STK39: variants seen among roughly 807,000 people sequenced by gnomAD.
STK39 encodes STE20/SPS1-related proline-alanine-rich protein kinase.
Under a neutral mutation model 77.8 loss-of-function variants are expected in STK39, and 20 were observed. That is an observed-to-expected ratio of 0.26 (90% CI 0.18 to 0.37). STK39 has a LOEUF of 0.37. STK39 is among the 10% of genes least tolerant of loss of function. The probability of loss-of-function intolerance (pLI) is 1.00; values close to 1 mark genes in which losing one functional copy is unlikely to be tolerated. For synonymous variants in STK39, 246 were observed against 234.1 expected, an observed-to-expected ratio of 1.05 and a Z score of -0.47; for missense variants, 479 against 656.5, an observed-to-expected ratio of 0.73 and a Z score of 2.95.
intron 10 of STK39, among the ~76,000 whole-genome samples, chr2:168,082,722 T>G (rs11693995): frequency 0.38 from 57,382 of 152,088 alleles, 11,151 homozygotes; most frequent in African/African-American, 0.41. Context: ...ATGGCCTCCC[T>G]GACCTCATCT....
intron 1 of STK39, among the ~76,000 whole-genome samples, chr2:168,212,187 C>T (rs1476080675): frequency 6.6e-6 from 1 of 152,200 alleles, no homozygotes; most frequent in African/African-American, 2.4e-5. Context: ...GAAACAAAAG[C>T]AGCTTGTCAG....
intron 1 of STK39, among the ~76,000 whole-genome samples, chr2:168,222,820 A>G (rs1034211706): frequency 2.0e-5 from 3 of 152,118 alleles, no homozygotes; most frequent in Admixed American, 6.5e-5. Flanking sequence ...ATAACAAGAG[A>G]CTTCACACAT....
At chr2:168,227,286 A>G (rs1690332825) in intron 1 of STK39, among the ~76,000 whole-genome samples, 4 of 152,232 alleles carry the variant, frequency 2.6e-5, no homozygotes. Context: ...ATTTTCATCT[A>G]CTTGATTCAT....
At chr2:168,155,994 C>CG (rs753241323) in intron 5 of STK39, among the ~76,000 whole-genome samples, 7 of 152,138 alleles carry the variant, frequency 4.6e-5, no homozygotes, top group Non-Finnish European at 8.8e-5. Context: ...GGGAATGCTG[C>CG]GATGAACAAC....
rs80306957 is a variant in STK39, at chr2:167,979,990, G to A, written c.1499-15264C>T. 3.9e-3 allele frequency among the ~76,000 whole-genome samples: 600 copies of A among 152,276 alleles called. 2 individuals carry two copies. The highest frequency in any genetic ancestry group is 0.014 in the African/African-American group (584 of 41,546). On this transcript the variant is annotated intron_variant, in intron 16 of 17. Transcript: ENST00000355999. ...GCCAAGAGAAGAGTCTTACATCCAG[G>A]AGCACATTCTGGAAATATTAACAAG...
chr2:168,067,472 C>T lies in STK39; in HGVS notation c.1243-2091G>A, dbSNP rs115098694. ...CTTCACCTTCCACCATGAGCAAAAG[C>T]TCCCTGAGGCTTTCCCAGAAGCTGA... On this transcript the variant is annotated intron_variant, in intron 12 of 17. Coordinates refer to ENST00000355999, the MANE Select transcript of STK39 (RefSeq NM_013233.3). Among the ~76,000 whole-genome samples, 1,321 of 152,312 alleles carry T rather than the reference C, an allele frequency of 8.7e-3. 20 individuals carry two copies. Among genetic ancestry groups the T allele is most frequent in the African/African-American group, 0.03 (1,263 of 41,554 alleles).
chr2:168,014,463 AT>A (rs1684356197), intron 15 of STK39, among the ~76,000 whole-genome samples: 1 of 152,044 alleles, frequency 6.6e-6, no homozygotes, highest in Non-Finnish European at 1.5e-5. Flanking sequence ...AACCCTGTCT[AT>A]TTTTTAAAAA....
intron 1 of STK39, among the ~76,000 whole-genome samples, chr2:168,236,997 C>G (rs1366985223): frequency 6.6e-6 from 1 of 152,162 alleles, no homozygotes; most frequent in Non-Finnish European, 1.5e-5. Flanking sequence ...TCATTGGTAG[C>G]TTGATGGGGA....
At chr2:168,133,921 C>T (rs1162494762) in intron 8 of STK39, among the ~76,000 whole-genome samples, 3 of 151,994 alleles carry the variant, frequency 2.0e-5, no homozygotes, top group Non-Finnish European at 2.9e-5. Flanking sequence ...TGAGGTCCTG[C>T]TGCCCATTTG....
chr2:168,085,115 T>C (rs999763404), intron 10 of STK39, among the ~76,000 whole-genome samples: 1 of 152,250 alleles, frequency 6.6e-6, no homozygotes, highest in Non-Finnish European at 1.5e-5. Flanking sequence ...TACAAAATAC[T>C]GCCAAGTTAG....
chr2:168,234,662 G>T (rs1690550249), intron 1 of STK39, among the ~76,000 whole-genome samples: 1 of 152,074 alleles, frequency 6.6e-6, no homozygotes, highest in South Asian at 2.1e-4. Flanking sequence ...TACTGTAATA[G>T]ACCAGGCAAA....
intron 16 of STK39, among the ~76,000 whole-genome samples, chr2:168,008,634 C>T (rs114432813): frequency 1.1e-4 from 17 of 152,030 alleles, no homozygotes; most frequent in African/African-American, 2.7e-4. Context: ...TTTAATACCA[C>T]GAAACCTGAT....
chr2:167,968,026 T>G (rs116726218), intron 16 of STK39, among the ~76,000 whole-genome samples: 2,715 of 151,670 alleles, frequency 0.018, 87 homozygotes, highest in African/African-American at 0.062. Context: ...CTCTCACAAG[T>G]GAGAACATGC....
intron 12 of STK39, 36 bp from the exon 13 acceptor site, chr2:168,065,417 G>A: frequency 1.2e-6 from 2 of 1,605,902 alleles, no homozygotes; most frequent in Non-Finnish European, 1.7e-6. Context: ...ATTCAAGAAA[G>A]CCAAAGGGAG....
At chr2:168,074,252 T>C (rs763798152) in intron 12 of STK39, among the ~76,000 whole-genome samples, 2 of 152,206 alleles carry the variant, frequency 1.3e-5, no homozygotes, top group South Asian at 4.1e-4. Flanking sequence ...GTCCAAAGAT[T>C]TTGTTTTCTT....
At chr2:168,024,698 G>A (rs1442964526) in intron 14 of STK39, among the ~76,000 whole-genome samples, 3 of 152,204 alleles carry the variant, frequency 2.0e-5, no homozygotes, top group Non-Finnish European at 2.9e-5. Context: ...GTATCAGCAC[G>A]AATGGACTAA....
At chr2:168,060,253 T>C (rs1685630222) in intron 14 of STK39, among the ~76,000 whole-genome samples, 1 of 152,240 alleles carries the variant, frequency 6.6e-6, no homozygotes, top group Middle Eastern at 3.4e-3. Flanking sequence ...CCAACTGCTA[T>C]GTACTGAATC....
rs114507081 is a variant in STK39 at position 168,205,852 on chromosome 2, T to C, written c.209-23762A>G. ...TAATTTAAAAATAAAGAAAATTATA[T>C]CAATTATAATACATTATAACGAATT... On this transcript the variant is annotated intron_variant, in intron 1 of 17. Coordinates refer to ENST00000355999, the MANE Select transcript of STK39 (RefSeq NM_013233.3). 6.2e-3 allele frequency among the ~76,000 whole-genome samples: 937 copies of C among 152,180 alleles called. 12 individuals are homozygous for C. The highest frequency in any genetic ancestry group is 0.022 in the African/African-American group (904 of 41,544).
At chr2:168,032,003 G>T (rs1413379333) in intron 14 of STK39, among the ~76,000 whole-genome samples, 2 of 152,090 alleles carry the variant, frequency 1.3e-5, no homozygotes, top group Non-Finnish European at 2.9e-5. Context: ...TCCAAATAAA[G>T]TAAATAAAAT....
Sources: gnomAD v4.1 joint callset for allele counts (sites outside exome capture counted in the v4.1 genomes callset) on GRCh38, gnomAD v4.1.1 for gene constraint, MANE v1.5 for transcripts, NCBI Gene and HGNC (gene_info 2026-07-23, HGNC 2026-07-21) for gene names.